The following EXOC4 variants were observed in gnomAD, a reference collection of about 807,000 sequenced individuals.
The protein encoded by EXOC4 is exocyst complex component 4.
In EXOC4, 71 loss-of-function variants were observed where a neutral mutation model predicts 107.2. The observed-to-expected ratio is 0.66, with a 90% CI of 0.55 to 0.81. EXOC4 has a LOEUF of 0.81. Among genes scored for constraint, EXOC4 ranks in the 30% least tolerant of loss-of-function variants. The pLI, the probability that EXOC4 is intolerant of heterozygous loss-of-function variation, is 0.00. For missense variants in EXOC4, 1,108 were observed against 1,189.6 expected (o/e 0.93, Z 1.01); for synonymous variants, 456 against 441.2 (o/e 1.03, Z -0.42).
At chr7:134,099,028 G>T in the EXOC4 span, among the ~76,000 whole-genome samples, 3 of 152,128 alleles carry the variant, frequency 2.0e-5, no homozygotes, top group African/African-American at 7.2e-5. Context: ...TTGGCCTAAA[G>T]GATGGTGTTA....
At chr7:133,650,846 C>A (rs989941328) in intron 10 of EXOC4, among the ~76,000 whole-genome samples, 3 of 150,114 alleles carry the variant, frequency 2.0e-5, no homozygotes, top group African/African-American at 7.4e-5. Flanking sequence ...AGACATATTC[C>A]TATTTTCTAG....
At chr7:133,755,150 T>TA (rs1285402015) in intron 10 of EXOC4, among the ~76,000 whole-genome samples, 1 of 147,204 alleles carries the variant, frequency 6.8e-6, no homozygotes, top group Non-Finnish European at 1.5e-5. Flanking sequence ...CTGCAAGACT[T>TA]ACTTGAAGTT....
At chr7:133,962,519 C>T (rs1170785317) in intron 14 of EXOC4, among the ~76,000 whole-genome samples, 1 of 152,148 alleles carries the variant, frequency 6.6e-6, no homozygotes, top group Non-Finnish European at 1.5e-5. Context: ...AGATGTGCCA[C>T]CTTCGACCCT....
intron 9 of EXOC4, among the ~76,000 whole-genome samples, chr7:133,508,509 C>T (rs1033292414): frequency 2.4e-4 from 37 of 152,170 alleles, no homozygotes; most frequent in South Asian, 2.1e-4. Flanking sequence ...AACACTGTAG[C>T]ACTTAGGAAT....
At chr7:133,537,296 A>ACCCCCCCCCCC (rs373040586) in intron 9 of EXOC4, among the ~76,000 whole-genome samples, 2 of 128,058 alleles carry the variant, frequency 1.6e-5, no homozygotes, top group African/African-American at 6.3e-5. Flanking sequence ...GATTACAGGC[A>ACCCCCCCCCCC]CCCCCCCCCC....
chr7:133,820,273 CAGAG>C (rs1204388022), intron 11 of EXOC4, among the ~76,000 whole-genome samples: 4 of 145,908 alleles, frequency 2.7e-5, no homozygotes, highest in African/African-American at 5.1e-5. Flanking sequence ...TTAATATTCT[CAGAG>C]AGAGTTATGC....
chr7:133,722,025 C>T (rs988877815), intron 10 of EXOC4, among the ~76,000 whole-genome samples: 2 of 152,152 alleles, frequency 1.3e-5, no homozygotes, highest in Middle Eastern at 3.2e-3. Context: ...TGAGTTTGAA[C>T]ATACTGAATT....
chr7:133,868,365 G>A (rs1798684702), intron 11 of EXOC4, among the ~76,000 whole-genome samples: 1 of 152,154 alleles, frequency 6.6e-6, no homozygotes, highest in Non-Finnish European at 1.5e-5. Flanking sequence ...AGAGAGGTGG[G>A]AATTTTTGGC....
intron 17 of EXOC4, among the ~76,000 whole-genome samples, chr7:134,041,974 T>C (rs561281312): frequency 6.6e-6 from 1 of 152,300 alleles, no homozygotes; most frequent in Middle Eastern, 3.4e-3. Context: ...TGGGCATATG[T>C]GCAGGTAGGT....
intron 10 of EXOC4, among the ~76,000 whole-genome samples, chr7:133,681,147 C>T (rs1241660884): frequency 3.3e-5 from 5 of 152,116 alleles, no homozygotes; most frequent in South Asian, 2.1e-4. Context: ...CTTTCAGCCC[C>T]GTCTCCTTTG....
chr7:133,918,011 C>G (rs1388252368), intron 13 of EXOC4, among the ~76,000 whole-genome samples: 1 of 147,860 alleles, frequency 6.8e-6, no homozygotes, highest in Non-Finnish European at 1.5e-5. Context: ...GAGACAGAGT[C>G]TCACTCTGTC....
intron 10 of EXOC4, among the ~76,000 whole-genome samples, chr7:133,757,988 A>G (rs1056000011): frequency 1.3e-5 from 2 of 152,304 alleles, no homozygotes; most frequent in Middle Eastern, 3.4e-3. Flanking sequence ...TTGAAGAAGG[A>G]TCACATTAAT....
Position 133,349,633 on chromosome 7 carries a change from C to T in EXOC4, c.764-6697C>T, listed in dbSNP as rs928656727. On this transcript the variant is annotated intron_variant, in intron 5 of 17. Coordinates refer to ENST00000253861, the MANE Select transcript of EXOC4 (RefSeq NM_021807.4). ...CTGCTATGAAAATGAGTGTACTCTT[C>T]AAGACCCTGATATCTCTTCAAGACC... 2.6e-5 allele frequency among the ~76,000 whole-genome samples: 4 copies of T among 152,054 alleles called. No individual in the cohort carries two copies. In the East Asian group the frequency reaches 7.7e-4, roughly 29 times the overall value.
At chr7:133,973,875 A>T (rs1793760446) in intron 14 of EXOC4, among the ~76,000 whole-genome samples, 1 of 152,188 alleles carries the variant, frequency 6.6e-6, no homozygotes, top group Non-Finnish European at 1.5e-5. Context: ...TCCCAAATTG[A>T]GGGGCCTGCA....
intron 10 of EXOC4, among the ~76,000 whole-genome samples, chr7:133,651,094 T>G (rs1393724775): frequency 6.6e-6 from 1 of 152,002 alleles, no homozygotes; most frequent in Non-Finnish European, 1.5e-5. Context: ...GGAAGAAAAG[T>G]CATACACCAC....
At chr7:133,397,071 A>G (rs1205281651) in intron 7 of EXOC4, among the ~76,000 whole-genome samples, 1 of 151,888 alleles carries the variant, frequency 6.6e-6, no homozygotes, top group Non-Finnish European at 1.5e-5. Flanking sequence ...AAGCCCATCT[A>G]GTCATTGTAT....
chr7:133,949,185 CTCTTATTA>C (rs1487187734), intron 14 of EXOC4, among the ~76,000 whole-genome samples: 1 of 152,092 alleles, frequency 6.6e-6, no homozygotes, highest in African/African-American at 2.4e-5. Context: ...GGGAGAGGTT[CTCTTATTA>C]TCTTAAATTC....
At chr7:133,650,626 A>G (rs1434429247) in intron 10 of EXOC4, among the ~76,000 whole-genome samples, 1 of 152,174 alleles carries the variant, frequency 6.6e-6, no homozygotes, top group Non-Finnish European at 1.5e-5. Flanking sequence ...GTCCCTAACT[A>G]TAGTAGTTAC....
At chr7:133,931,570 A>G (rs1211070535) in intron 13 of EXOC4, among the ~76,000 whole-genome samples, 1 of 152,238 alleles carries the variant, frequency 6.6e-6, no homozygotes, top group Admixed American at 6.5e-5. Context: ...AAAAACTGTA[A>G]CTTAAACTAA....
Sources: gnomAD v4.1 joint callset for allele counts (sites outside exome capture counted in the v4.1 genomes callset) on GRCh38, gnomAD v4.1.1 for gene constraint, MANE v1.5 for transcripts, NCBI Gene and HGNC (gene_info 2026-07-23, HGNC 2026-07-21) for gene names.